NAALADL2: variants seen among roughly 807,000 people sequenced by gnomAD.
NAALADL2 encodes inactive N-acetylated-alpha-linked acidic dipeptidase-like protein 2.
In NAALADL2, 76 loss-of-function variants were observed where a neutral mutation model predicts 87.2. The observed-to-expected ratio is 0.87, with a 90% CI of 0.72 to 1.05. The LOEUF (loss-of-function observed/expected upper bound fraction) is 1.05, where lower values mean the gene tolerates loss of function less well. Among genes scored for constraint, NAALADL2 ranks in the 50% least tolerant of loss-of-function variants. The probability of loss-of-function intolerance (pLI) is 0.00; values close to 1 mark genes in which losing one functional copy is unlikely to be tolerated. For missense variants in NAALADL2, 1,089 were observed against 945.8 expected (o/e 1.15, Z -1.99); for synonymous variants, 354 against 331.0 (o/e 1.07, Z -0.75).
chr3:175,516,985 T>A (rs1263688343), intron 9 of NAALADL2, among the ~76,000 whole-genome samples: 2 of 152,220 alleles, frequency 1.3e-5, no homozygotes, highest in Non-Finnish European at 2.9e-5. Context: ...GGCCTGTATC[T>A]GTATCTATTT....
chr3:174,752,047 G>A (rs1734883504), intron 3 of NAALADL2, among the ~76,000 whole-genome samples: 1 of 151,654 alleles, frequency 6.6e-6, no homozygotes, highest in South Asian at 2.1e-4. Context: ...GCGTGATCTC[G>A]GCTCACTGCA....
intron 4 of NAALADL2, among the ~76,000 whole-genome samples, chr3:175,321,246 T>C (rs1581407993): frequency 7.0e-6 from 1 of 143,590 alleles, no homozygotes; most frequent in African/African-American, 2.6e-5. Context: ...CACATGATTA[T>C]CTCAATAGAT....
At chr3:174,760,259 C>T (rs1163795069) in intron 3 of NAALADL2, among the ~76,000 whole-genome samples, 4 of 152,194 alleles carry the variant, frequency 2.6e-5, no homozygotes, top group Non-Finnish European at 5.9e-5. Flanking sequence ...TGGCACCACA[C>T]TGCCATCATT....
At chr3:175,311,782 A>T (rs1263297828) in intron 4 of NAALADL2, among the ~76,000 whole-genome samples, 1 of 151,418 alleles carries the variant, frequency 6.6e-6, no homozygotes, top group Admixed American at 6.6e-5. Context: ...TGAAGATTAT[A>T]TTCAGAACTC....
At chr3:175,487,106 G>A (rs1443189263) in intron 9 of NAALADL2, among the ~76,000 whole-genome samples, 2 of 152,096 alleles carry the variant, frequency 1.3e-5, no homozygotes, top group Non-Finnish European at 2.9e-5. Flanking sequence ...TGGCCGGAGA[G>A]GCCCTGCAAA....
chr3:174,499,190 A>G (rs1296979352), intron 1 of NAALADL2, among the ~76,000 whole-genome samples: 1 of 152,064 alleles, frequency 6.6e-6, no homozygotes, highest in East Asian at 1.9e-4. Context: ...CTCCCTGGAT[A>G]AGGGGAACTA....
At chr3:175,024,690 CAGAGTGAAAAAG>C (rs1751993755) in intron 1 of NAALADL2, among the ~76,000 whole-genome samples, 1 of 151,624 alleles carries the variant, frequency 6.6e-6, no homozygotes, top group Non-Finnish European at 1.5e-5. Context: ...AACAGGATAT[CAGAGTGAAAAAG>C]AGCAGTAATT....
At chr3:175,586,370 G>T (rs1446076875) in intron 10 of NAALADL2, among the ~76,000 whole-genome samples, 1 of 152,100 alleles carries the variant, frequency 6.6e-6, no homozygotes, top group Non-Finnish European at 1.5e-5. Context: ...TCTTCTTCAT[G>T]AAAGTTTTGG....
At chr3:175,235,934 T>C (rs573395187) in intron 3 of NAALADL2, 1 of 152,318 alleles carries the variant, frequency 6.6e-6, no homozygotes, top group African/African-American at 2.4e-5. Context: ...AATCAACTAA[T>C]TTATTTAAAT....
intron 1 of NAALADL2, among the ~76,000 whole-genome samples, chr3:175,066,116 C>CT (rs1714496335): frequency 6.6e-6 from 1 of 152,140 alleles, no homozygotes; most frequent in Non-Finnish European, 1.5e-5. Context: ...TCTGCAATCA[C>CT]TGAAACAGGG....
intron 2 of NAALADL2, among the ~76,000 whole-genome samples, chr3:175,130,343 GT>G (rs1424904759): frequency 1.3e-5 from 2 of 151,964 alleles, no homozygotes; most frequent in African/African-American, 4.8e-5. Flanking sequence ...AACTTTTTTA[GT>G]TTTATGTAGT....
intron 1 of NAALADL2, among the ~76,000 whole-genome samples, chr3:174,501,068 T>C (rs1718848526): frequency 1.4e-5 from 2 of 139,328 alleles, no homozygotes; most frequent in African/African-American, 2.6e-5. Context: ...CATAGGCATA[T>C]AGGTCTCAAT....
rs1189994035 is a variant in NAALADL2 at position 175,018,565 on chromosome 3, G to A, written c.44-78225G>A. ...TGGTTGATGACCAACTGAAAATGAG[G>A]AGTTAGGCAAGCTTAATTCTAGTTT... is the stretch of plus-strand genomic sequence containing the variant. On this transcript the variant is annotated intron_variant, in intron 1 of 13. Coordinates refer to ENST00000454872, the MANE Select transcript of NAALADL2 (RefSeq NM_207015.3). Among the ~76,000 whole-genome samples the A allele has an allele frequency of 1.1e-4, 16 of 152,042 alleles. 1 individual carries two copies. Among genetic ancestry groups the A allele is most frequent in the Admixed American group, 9.9e-4 (15 of 15,208 alleles).
intron 3 of NAALADL2, among the ~76,000 whole-genome samples, chr3:174,790,041 A>G (rs1435496092): frequency 6.6e-6 from 1 of 152,182 alleles, no homozygotes; most frequent in Non-Finnish European, 1.5e-5. Context: ...TGAAAACTAG[A>G]TACTACTCTT....
chr3:174,941,126 G>C (rs1444144380), intron 1 of NAALADL2, among the ~76,000 whole-genome samples: 1 of 151,944 alleles, frequency 6.6e-6, no homozygotes, highest in Non-Finnish European at 1.5e-5. Context: ...CTAACTTTTT[G>C]ATGTGGGCAT....
chr3:175,324,034 A>G, intron 4 of NAALADL2, 141 bp from the exon 5 acceptor site: 5 of 637,378 alleles, frequency 7.8e-6, no homozygotes, highest in South Asian at 4.8e-5. Context: ...CAAACAAAAA[A>G]AAAAAAAAAG....
At chr3:174,691,326 C>T (rs555478) in intron 2 of NAALADL2, among the ~76,000 whole-genome samples, 54,951 of 151,620 alleles carry the variant, frequency 0.36, 10,773 homozygotes, top group Non-Finnish European at 0.43. Flanking sequence ...GCAGGAGAAT[C>T]GCTTGAACCC....
At chr3:174,792,236 A>G (rs1013568154) in intron 3 of NAALADL2, among the ~76,000 whole-genome samples, 4 of 149,770 alleles carry the variant, frequency 2.7e-5, no homozygotes, top group Non-Finnish European at 4.4e-5. Context: ...AAAGAAAGAG[A>G]GAAAGAAGAC....
chr3:175,504,554 TC>T (rs1729999949), intron 9 of NAALADL2, among the ~76,000 whole-genome samples: 1 of 135,972 alleles, frequency 7.4e-6, no homozygotes, highest in African/African-American at 2.7e-5. Flanking sequence ...TTTCTCTCTG[TC>T]TCTCTCTGTT....
Sources: gnomAD v4.1 joint callset for allele counts (sites outside exome capture counted in the v4.1 genomes callset) on GRCh38, gnomAD v4.1.1 for gene constraint, MANE v1.5 for transcripts, NCBI Gene and HGNC (gene_info 2026-07-23, HGNC 2026-07-21) for gene names.